The following IDO2 variants were observed in gnomAD, a reference collection of about 807,000 sequenced individuals.
IDO2 encodes the protein indoleamine 2,3-dioxygenase 2.
In IDO2, 46 loss-of-function variants were observed where a neutral mutation model predicts 45.1. That is an observed-to-expected ratio of 1.02 (90% confidence interval 0.80 to 1.30). The LOEUF (loss-of-function observed/expected upper bound fraction) is 1.30, where lower values mean the gene tolerates loss of function less well. Ranked by LOEUF, IDO2 falls within the 50% of genes most tolerant of loss-of-function variation. The pLI is 0.00. For synonymous variants in IDO2, 218 were observed against 184.9 expected, an observed-to-expected ratio of 1.18 and a Z score of -1.45; for missense variants, 544 against 491.8, an observed-to-expected ratio of 1.11 and a Z score of -1.00.
intron 3 of IDO2, among the ~76,000 whole-genome samples, chr8:39,970,859 C>G (rs774210560): frequency 1.3e-5 from 2 of 151,218 alleles, no homozygotes; most frequent in African/African-American, 2.4e-5. Context: ...CTCTGCCTCC[C>G]GGGTTCAAGT....
At chr8:39,981,867 C>A (rs16888472) in intron 4 of IDO2, among the ~76,000 whole-genome samples, 8,462 of 152,210 alleles carry the variant, frequency 0.056, 279 homozygotes, top group Middle Eastern at 0.13. Flanking sequence ...GAACCTCATA[C>A]AGCTTTTCTG....
intron 3 of IDO2, among the ~76,000 whole-genome samples, chr8:39,978,685 A>T (rs113109577): frequency 4.6e-5 from 7 of 152,208 alleles, no homozygotes; most frequent in African/African-American, 1.7e-4. Context: ...TTTGGATAAG[A>T]CAGGCTTGTA....
chr8:39,999,289 T>A (rs1302007112), intron 8 of IDO2, among the ~76,000 whole-genome samples: 6 of 145,962 alleles, frequency 4.1e-5, no homozygotes, highest in African/African-American at 1.0e-4. Context: ...TTTTTTTTTT[T>A]TTTTTTTTGA....
At chr8:40,015,671 G>C in exon 11 of IDO2, 1 of 1,084,822 alleles carries the variant, frequency 9.2e-7, no homozygotes, top group Non-Finnish European at 1.4e-6. Context: ...ATGAGGGTCA[G>C]GGTTCTGCCT....
chr8:39,957,648 T>C (rs1807924489), intron 2 of IDO2, among the ~76,000 whole-genome samples: 1 of 152,256 alleles, frequency 6.6e-6, no homozygotes, highest in East Asian at 1.9e-4. Context: ...CTTGATAGTT[T>C]GCTCTTTAAA....
intron 1 of IDO2, among the ~76,000 whole-genome samples, chr8:39,948,390 T>C (rs1286989343): frequency 6.6e-6 from 1 of 152,164 alleles, no homozygotes; most frequent in Non-Finnish European, 1.5e-5. Context: ...TTTGAAGTGG[T>C]TGTGGTTTAT....
chr8:39,953,056 C>T (rs1807834780), intron 2 of IDO2, among the ~76,000 whole-genome samples: 1 of 152,116 alleles, frequency 6.6e-6, no homozygotes, highest in South Asian at 2.1e-4. Flanking sequence ...CCATGAACCA[C>T]TGCGCCTGGC....
At chr8:39,964,755 A>G (rs1219679072) in intron 3 of IDO2, among the ~76,000 whole-genome samples, 2 of 152,256 alleles carry the variant, frequency 1.3e-5, no homozygotes, top group Admixed American at 6.5e-5. Context: ...AGAAATCCAA[A>G]AATAAGAAAA....
chr8:39,970,972 G>T (rs377502822), intron 3 of IDO2, among the ~76,000 whole-genome samples: 1 of 151,544 alleles, frequency 6.6e-6, no homozygotes, highest in African/African-American at 2.4e-5. Context: ...TCACCATGTT[G>T]GCCAAGATGG....
At chr8:39,948,525 A>G (rs141177200) in intron 1 of IDO2, among the ~76,000 whole-genome samples, 2 of 152,340 alleles carry the variant, frequency 1.3e-5, no homozygotes, top group Non-Finnish European at 2.9e-5. Flanking sequence ...ACATGTTTGT[A>G]ATGCAGATCC....
intron 1 of IDO2, among the ~76,000 whole-genome samples, chr8:39,947,994 G>C (rs1807764158): frequency 6.6e-6 from 1 of 152,154 alleles, no homozygotes; most frequent in Middle Eastern, 3.4e-3. Flanking sequence ...TCCATGATGA[G>C]GCTGGTCTCA....
At chr8:40,000,400 C>T (rs1413176390) in intron 8 of IDO2, among the ~76,000 whole-genome samples, 1 of 150,536 alleles carries the variant, frequency 6.6e-6, no homozygotes, top group African/African-American at 2.4e-5. Context: ...CAGAGTGAGA[C>T]TCCATCTTCA....
intron 1 of IDO2, among the ~76,000 whole-genome samples, chr8:39,945,829 G>A (rs1023946224): frequency 3.9e-5 from 6 of 152,136 alleles, no homozygotes; most frequent in African/African-American, 1.2e-4. Context: ...CTGAGACAGC[G>A]AAAGAGATCT....
At chr8:40,016,006 A>G (rs1802382948) in exon 11 of IDO2, 1 of 384,104 alleles carries the variant, frequency 2.6e-6, no homozygotes, top group Non-Finnish European at 4.6e-6. Context: ...GTTCATACTG[A>G]GCACTGCCTC....
Position 39,984,276 on chromosome 8 carries a change from ACCAGCGTGG to A in IDO2, c.435-1228_435-1220del, listed in dbSNP as rs199933547. ...GGTCACCTGAGATCAGGAGTTTGAGACCAGCGTGGCCAACATGGCCAAACCCCCTCTCTA... is the reference window on the plus strand; with the variant it reads ...GGTCACCTGAGATCAGGAGTTTGAGACCAACATGGCCAAACCCCCTCTCTA... On this transcript the variant is annotated intron_variant, in intron 5 of 10. Coordinates refer to ENST00000502986, the Ensembl canonical transcript of IDO2. Among the ~76,000 whole-genome samples, 980 of 152,330 alleles carry A rather than the reference ACCAGCGTGG, an allele frequency of 6.4e-3. 28 individuals carry two copies. In the East Asian group the frequency reaches 0.08, roughly 12 times the overall value.
chr8:40,015,965 T>TGCAAA, exon 11 of IDO2: 1 of 259,392 alleles, frequency 3.9e-6, no homozygotes, highest in Non-Finnish European at 7.5e-6. Flanking sequence ...TTGATTTTCT[T>TGCAAA]AAAAAACAAA....
At chr8:39,947,715 C>T (rs935442661) in intron 1 of IDO2, among the ~76,000 whole-genome samples, 1 of 151,696 alleles carries the variant, frequency 6.6e-6, no homozygotes, top group African/African-American at 2.4e-5. Flanking sequence ...AAACTGCTGG[C>T]AAGTGTACCT....
At chr8:39,957,643 T>G (rs1490415676) in intron 2 of IDO2, among the ~76,000 whole-genome samples, 1 of 152,132 alleles carries the variant, frequency 6.6e-6, no homozygotes, top group East Asian at 1.9e-4. Flanking sequence ...AAAACCTTGA[T>G]AGTTTGCTCT....
At chr8:39,937,624 G>A (rs1226103137) in intron 1 of IDO2, among the ~76,000 whole-genome samples, 2 of 151,304 alleles carry the variant, frequency 1.3e-5, no homozygotes, top group African/African-American at 2.4e-5. Context: ...GGGCTCAACT[G>A]ATCCTGCTAC....
Sources: allele counts gnomAD v4.1 joint callset (sites outside exome capture counted in the v4.1 genomes callset), GRCh38; gene constraint gnomAD v4.1.1; transcripts MANE v1.5; gene names NCBI Gene and HGNC (gene_info 2026-07-23, HGNC 2026-07-21).